Variants in DIS3L2 observed in about 807,000 individuals in gnomAD.
The protein encoded by DIS3L2 is DIS3-like exonuclease 2.
A neutral mutation model predicts 97.5 loss-of-function variants in DIS3L2; 34 were observed. The ratio of observed to expected loss-of-function variants is 0.35; its 90% CI spans 0.27 to 0.46. The LOEUF (loss-of-function observed/expected upper bound fraction) is 0.46. Among genes scored for constraint, DIS3L2 ranks in the 20% least tolerant of loss-of-function variants. DIS3L2 has a pLI of 1.00. For missense variants in DIS3L2, 1,038 were observed against 1,146.0 expected, an observed-to-expected ratio of 0.91 and a Z score of 1.36; for synonymous variants, 435 against 445.2, an observed-to-expected ratio of 0.98 and a Z score of 0.29.
chr2:232,026,408 C>T (rs1038780331), intron 4 of DIS3L2, among the ~76,000 whole-genome samples: 26 of 152,250 alleles, frequency 1.7e-4, no homozygotes, highest in African/African-American at 5.5e-4. Flanking sequence ...AGTGCTAGCT[C>T]CCTGTCCCCT....
intron 13 of DIS3L2, among the ~76,000 whole-genome samples, chr2:232,271,637 T>G (rs1357538125): frequency 6.6e-6 from 1 of 152,184 alleles, no homozygotes; most frequent in Non-Finnish European, 1.5e-5. Context: ...TCATTTAAAT[T>G]TATTCATCTC....
At chr2:232,071,838 T>G (rs1696030677) in intron 5 of DIS3L2, among the ~76,000 whole-genome samples, 2 of 152,212 alleles carry the variant, frequency 1.3e-5, no homozygotes, top group South Asian at 4.1e-4. Context: ...TGTACCTGGC[T>G]GATAAGTAGT....
At chr2:232,227,416 G>A (rs1406463770) in intron 10 of DIS3L2, among the ~76,000 whole-genome samples, 2 of 152,252 alleles carry the variant, frequency 1.3e-5, no homozygotes, top group African/African-American at 4.8e-5. Context: ...AAAGAGATGC[G>A]TCTCATAGCA....
At chr2:232,287,277 C>T (rs1382466483) in intron 13 of DIS3L2, among the ~76,000 whole-genome samples, 1 of 151,472 alleles carries the variant, frequency 6.6e-6, no homozygotes, top group Admixed American at 6.6e-5. Context: ...TGATTTTCAA[C>T]TGTGAGATTA....
chr2:232,062,750 C>T (rs896991), intron 5 of DIS3L2, among the ~76,000 whole-genome samples: 141,608 of 152,032 alleles, frequency 0.93, 66,032 homozygotes, highest in East Asian at 1. Flanking sequence ...GTATGTATCT[C>T]CCCTCCTTCC....
chr2:232,110,805 C>T (rs1002418950), intron 6 of DIS3L2, among the ~76,000 whole-genome samples: 3 of 151,902 alleles, frequency 2.0e-5, no homozygotes, highest in African/African-American at 7.3e-5. Flanking sequence ...CCATGGTCAC[C>T]ATGTGACCAA....
At chr2:232,335,751 A>AG (rs756007296) in intron 19 of DIS3L2, 22 bp from the exon 20 acceptor site, 24 of 1,548,740 alleles carry the variant, frequency 1.5e-5, no homozygotes, top group Non-Finnish European at 1.9e-5. Context: ...CTGAGGCCTG[A>AG]GGCTTGGTGT....
At chr2:232,336,306 C>T in intron 20 of DIS3L2, 163 bp from the exon 21 acceptor site, 1 of 1,547,364 alleles carries the variant, frequency 6.5e-7, no homozygotes, top group Non-Finnish European at 8.7e-7. Context: ...CTGCCCTGAC[C>T]CAGGGCATTC....
intron 12 of DIS3L2, among the ~76,000 whole-genome samples, chr2:232,258,755 T>A (rs1278039116): frequency 2.6e-5 from 4 of 152,214 alleles, no homozygotes; most frequent in Non-Finnish European, 5.9e-5. Context: ...TGGGCATTGA[T>A]GTGAATCCAG....
intron 9 of DIS3L2, among the ~76,000 whole-genome samples, chr2:232,164,001 C>G (rs570386192): frequency 6.6e-6 from 1 of 152,292 alleles, no homozygotes; most frequent in East Asian, 1.9e-4. Flanking sequence ...CCTACAACAG[C>G]CCAGTTGATT....
intron 13 of DIS3L2, among the ~76,000 whole-genome samples, chr2:232,297,463 T>G (rs1206597414): frequency 6.6e-6 from 1 of 152,100 alleles, no homozygotes; most frequent in Non-Finnish European, 1.5e-5. Flanking sequence ...AGGACAGGCA[T>G]AAGACACTCA....
intron 1 of DIS3L2, among the ~76,000 whole-genome samples, chr2:232,014,398 T>C (rs80163639): frequency 3.6e-4 from 55 of 152,376 alleles, no homozygotes; most frequent in African/African-American, 1.3e-3. Context: ...CTTGGTTTCA[T>C]AGAGGTATAT....
At chr2:231,981,485 T>C (rs1693254146) in intron 1 of DIS3L2, among the ~76,000 whole-genome samples, 1 of 150,636 alleles carries the variant, frequency 6.6e-6, no homozygotes, top group Non-Finnish European at 1.5e-5. Context: ...TATTTATTCC[T>C]CTTCCTTTTC....
At chr2:232,338,122 TGAGAGCCCCAAACAG>T (rs370245728), downstream of DIS3L2, among the ~76,000 whole-genome samples, 2,975 of 151,850 alleles carry the variant, frequency 0.02, 104 homozygotes, top group African/African-American at 0.068. Context: ...AGCCTGACTG[TGAGAGCCCCAAACAG>T]GAGAGCCCCA....
intron 6 of DIS3L2, among the ~76,000 whole-genome samples, chr2:232,090,337 T>C (rs1245123846): frequency 1.3e-5 from 2 of 152,178 alleles, no homozygotes. Context: ...CCCACTGTTA[T>C]TTATATTACT....
At position 232,235,147 on chromosome 2, in the gene DIS3L2, C is replaced by T. The variant is rs373896126; in HGVS notation, c.1205-3386C>T. Among the ~76,000 whole-genome samples the T allele has an allele frequency of 9.2e-5, 14 of 152,298 alleles. No individual in the cohort carries two copies. In the East Asian group the frequency reaches 9.6e-4, roughly 10 times the overall value. ...GCAAAGTGAGCCAGGCCCGGCTGCC[C>T]GGGGGATCCTTCCTCTCTCTGCTCT... On this transcript the variant is annotated intron_variant, in intron 10 of 20. Coordinates refer to ENST00000325385, the MANE Select transcript of DIS3L2 (RefSeq NM_152383.5).
At chr2:232,039,099 T>G (rs934288149) in intron 5 of DIS3L2, among the ~76,000 whole-genome samples, 2 of 152,182 alleles carry the variant, frequency 1.3e-5, no homozygotes, top group Non-Finnish European at 2.9e-5. Flanking sequence ...TGCCTGACAA[T>G]TGCTTTTTGT....
intron 6 of DIS3L2, among the ~76,000 whole-genome samples, chr2:232,125,297 G>C (rs1472620152): frequency 6.6e-6 from 1 of 152,208 alleles, no homozygotes; most frequent in African/African-American, 2.4e-5. Context: ...ATAGGAGCGA[G>C]CTCCCTGAGG....
chr2:232,207,182 A>C (rs938202627), intron 9 of DIS3L2, among the ~76,000 whole-genome samples: 1 of 152,194 alleles, frequency 6.6e-6, no homozygotes, highest in Non-Finnish European at 1.5e-5. Flanking sequence ...CTGACTTTTT[A>C]GTTTCAGTTA....
Sources: allele counts gnomAD v4.1 joint callset (sites outside exome capture counted in the v4.1 genomes callset), GRCh38; gene constraint gnomAD v4.1.1; transcripts MANE v1.5; gene names NCBI Gene and HGNC (gene_info 2026-07-23, HGNC 2026-07-21).